Variants in DPP6 observed in about 807,000 individuals in gnomAD.
DPP6 encodes A-type potassium channel modulatory protein DPP6.
In DPP6, 69 loss-of-function variants were observed where a neutral mutation model predicts 122.6. That is an observed-to-expected ratio of 0.56 (90% CI 0.46 to 0.69). DPP6 has a LOEUF of 0.69. Among genes scored for constraint, DPP6 ranks in the 30% least tolerant of loss-of-function variants. The probability of loss-of-function intolerance (pLI) is 0.00; values close to 1 mark genes in which losing one functional copy is unlikely to be tolerated. For missense variants in DPP6, 928 were observed against 1,116.9 expected (o/e 0.83, Z 2.41); for synonymous variants, 418 against 433.1 (o/e 0.97, Z 0.43).
At chr7:154,015,147 C>T (rs1227326679) in intron 1 of DPP6, among the ~76,000 whole-genome samples, 1 of 152,048 alleles carries the variant, frequency 6.6e-6, no homozygotes, top group Non-Finnish European at 1.5e-5. Flanking sequence ...TCTCCTCTCT[C>T]CTCACCACTT....
chr7:153,843,174 G>GTGC, the DPP6 span, among the ~76,000 whole-genome samples: 2 of 150,966 alleles, frequency 1.3e-5, no homozygotes, highest in Non-Finnish European at 2.9e-5. Flanking sequence ...ATACACACAC[G>GTGC]AGTGCATACA....
Position 154,760,828 on chromosome 7 carries a change from T to G in DPP6, c.884-8589T>G, listed in dbSNP as rs975343567. ...CTGGCATACTGGCTCAGCCTTCCTC[T>G]TTCAAAACTTTTGTTTTTTTTTTTT... On this transcript the variant is annotated intron_variant, in intron 8 of 25. Coordinates refer to ENST00000377770, the MANE Select transcript of DPP6 (RefSeq NM_130797.4). This position sits in a 1 kb window ranked among gnomAD's most constrained non-coding sequence, Gnocchi z 4.5. Among the ~76,000 whole-genome samples, 1 of 128,250 alleles carries G rather than the reference T, an allele frequency of 7.8e-6. No homozygotes were observed. The highest frequency in any genetic ancestry group is 1.6e-5 in the Non-Finnish European group (1 of 61,204). The allele number at this position is 128,250 out of a possible 152,430, so 84.1% of individuals were successfully genotyped here. A position where few individuals can be genotyped will look rare whatever the true frequency, so the allele number is the denominator to read the frequency against.
intron 14 of DPP6, 113 bp from the exon 15 acceptor site, chr7:154,804,804 G>A: frequency 4.1e-6 from 6 of 1,461,634 alleles, no homozygotes; most frequent in South Asian, 3.6e-5. Context: ...GCTACTCCCT[G>A]CAGGCCATGG....
At chr7:154,185,545 A>G (rs2150754676) in intron 1 of DPP6, among the ~76,000 whole-genome samples, 1 of 152,282 alleles carries the variant, frequency 6.6e-6, no homozygotes, top group East Asian at 1.9e-4. Flanking sequence ...CGTGATGGGT[A>G]GGTTTCCATC....
chr7:154,442,881 C>T (rs937211772), intron 1 of DPP6, among the ~76,000 whole-genome samples: 14 of 152,272 alleles, frequency 9.2e-5, no homozygotes, highest in African/African-American at 3.1e-4. Context: ...CCTTGTTGGC[C>T]GCTCCTGTTC....
intron 21 of DPP6, among the ~76,000 whole-genome samples, chr7:154,882,391 CTGTTT>C (rs1383605006): frequency 6.6e-6 from 1 of 152,216 alleles, no homozygotes; most frequent in Non-Finnish European, 1.5e-5. Flanking sequence ...ATAAGCATCT[CTGTTT>C]TGTTTTAACA....
rs202179146 is a variant in DPP6 at position 153,964,822 on chromosome 7, C to CTTTCCTTTTCCTTTTCCTTTTCCT, written c.51+77100_51+77123dup. Among the ~76,000 whole-genome samples the CTTTCCTTTTCCTTTTCCTTTTCCT allele has an allele frequency of 8.5e-4, 35 of 41,180 alleles. 3 individuals are homozygous for CTTTCCTTTTCCTTTTCCTTTTCCT. Among genetic ancestry groups the CTTTCCTTTTCCTTTTCCTTTTCCT allele is most frequent in the African/African-American group, 3.1e-3 (33 of 10,618 alleles). The allele number at this position is 41,180 out of a possible 152,430, so 27.0% of individuals were successfully genotyped here. A position where few individuals can be genotyped will look rare whatever the true frequency, so the allele number is the denominator to read the frequency against. On this transcript the variant is annotated intron_variant, in intron 1 of 25. Coordinates refer to the DPP6 transcript ENST00000404039. ...CTTTCCTTTCCTTTCCTTTCCTTTCCTTTCCTTTTCCTTTTCCTTTTCCTT... is the reference window on the plus strand; with the variant it reads ...CTTTCCTTTCCTTTCCTTTCCTTTCCTTTCCTTTTCCTTTTCCTTTTCCTTTTCCTTTTCCTTTTCCTTTTCCTT...
At chr7:154,132,451 C>T (rs1795332053) in intron 1 of DPP6, among the ~76,000 whole-genome samples, 1 of 152,108 alleles carries the variant, frequency 6.6e-6, no homozygotes. Context: ...CAATGCCCTT[C>T]TTACCCCTTC....
chr7:154,061,615 A>G (rs10952460), intron 1 of DPP6, among the ~76,000 whole-genome samples: 71,545 of 130,356 alleles, frequency 0.55, 22,554 homozygotes, highest in South Asian at 0.66. Context: ...GACTCCCATC[A>G]CAGGGGGGGG....
chr7:153,857,320 TTTTC>T, the DPP6 span, among the ~76,000 whole-genome samples: 2 of 43,648 alleles, frequency 4.6e-5, no homozygotes, highest in African/African-American at 1.9e-4. Context: ...AACTCAAAGG[TTTTC>T]TCTCTCTCTC....
chr7:154,119,029 A>G (rs1043145634), intron 1 of DPP6, among the ~76,000 whole-genome samples: 200 of 152,290 alleles, frequency 1.3e-3, no homozygotes, highest in Non-Finnish European at 2.2e-3. Context: ...CAACCAGGCT[A>G]TGATGCAGTC....
chr7:154,342,817 G>A (rs761658074), intron 1 of DPP6, among the ~76,000 whole-genome samples: 4 of 152,188 alleles, frequency 2.6e-5, no homozygotes, highest in Non-Finnish European at 5.9e-5. Flanking sequence ...AAAGTTAAAG[G>A]TAGAACTGCT....
chr7:154,336,782 G>A (rs538071965), intron 1 of DPP6, among the ~76,000 whole-genome samples: 151 of 152,264 alleles, frequency 9.9e-4, no homozygotes, highest in Non-Finnish European at 1.7e-3. Context: ...GCGGGAAGTG[G>A]TCGGAGTGGG....
rs879580101 is a variant in DPP6, at chr7:154,208,769, T to TA, written c.243+155719dup. On this transcript the variant is annotated intron_variant, in intron 1 of 25. Transcript: ENST00000377770. ...AAAAAATCAGGTCTTGGAATTGAAG[T>TA]AAAAAAAAAAAAATAGGGCAGCCTC... Among the ~76,000 whole-genome samples the TA allele has an allele frequency of 3.7e-3, 523 of 142,586 alleles. 3 individuals are homozygous for TA. The highest frequency in any genetic ancestry group is 8.1e-3 in the African/African-American group (314 of 38,946). 93.5% of individuals were successfully genotyped at this position (142,586 alleles called of 152,430 possible).
chr7:154,094,824 G>A (rs1342299234), intron 1 of DPP6: 2 of 152,244 alleles, frequency 1.3e-5, no homozygotes, highest in Non-Finnish European at 2.9e-5. Context: ...GAGTAAGTTG[G>A]TGAGGACCCA....
intron 1 of DPP6, among the ~76,000 whole-genome samples, chr7:153,904,177 A>G (rs1403642845): frequency 6.6e-6 from 1 of 152,078 alleles, no homozygotes; most frequent in East Asian, 1.9e-4. Flanking sequence ...TCAGCCTCCC[A>G]AGTAGCTGGG....
chr7:154,508,413 C>T lies in DPP6; in HGVS notation c.458-32119C>T, dbSNP rs139241348. 6.3e-4 allele frequency among the ~76,000 whole-genome samples: 96 copies of T among 152,274 alleles called. 1 individual carries two copies. The highest frequency in any genetic ancestry group is 3.4e-3 in the Middle Eastern group (1 of 294). On this transcript the variant is annotated intron_variant, in intron 3 of 25. Transcript: ENST00000377770. Reference sequence around the variant, plus strand: ...TGTGGTATCTATAAGGGCTCAAATTCCTCCATCGGATACTCTGTATCTTGA... The same window carrying T: ...TGTGGTATCTATAAGGGCTCAAATTTCTCCATCGGATACTCTGTATCTTGA...
chr7:154,845,578 G>A (rs1289279899), intron 16 of DPP6, among the ~76,000 whole-genome samples: 1 of 152,056 alleles, frequency 6.6e-6, no homozygotes, highest in Non-Finnish European at 1.5e-5. Context: ...CGAGTTGATG[G>A]GTGCAGCACA....
intron 1 of DPP6, among the ~76,000 whole-genome samples, chr7:153,990,281 G>A (rs1429308698): frequency 4.1e-5 from 4 of 98,444 alleles, no homozygotes; most frequent in African/African-American, 2.1e-4. Context: ...GAACAGTCCC[G>A]CCCCTGCCAC....
Sources: gnomAD v4.1 joint callset for allele counts (sites outside exome capture counted in the v4.1 genomes callset) on GRCh38, gnomAD v4.1.1 for gene constraint, Gnocchi (gnomAD v3.1) non-coding constraint, MANE v1.5 for transcripts, NCBI Gene and HGNC (gene_info 2026-07-23, HGNC 2026-07-21) for gene names.